The following GALNTL5 variants were observed in gnomAD, a reference collection of about 807,000 sequenced individuals.
GALNTL5 encodes the protein polypeptide N-acetylgalactosaminyltransferase like 5.
GALNTL5 carries 44 observed loss-of-function variants against 51.0 expected under a neutral mutation model. The observed-to-expected ratio is 0.86, with a 90% confidence interval of 0.68 to 1.11. GALNTL5 has a LOEUF of 1.11. GALNTL5 is among the 50% of genes least tolerant of loss of function. The probability of loss-of-function intolerance (pLI) is 0.00; values close to 1 mark genes in which losing one functional copy is unlikely to be tolerated. For missense variants in GALNTL5, 528 were observed against 531.8 expected (o/e 0.99, Z 0.07); for synonymous variants, 192 against 182.8 (o/e 1.05, Z -0.41).
chr7:151,956,863 ATG>A (rs759801469), intron 1 of GALNTL5, among the ~76,000 whole-genome samples: 11 of 152,148 alleles, frequency 7.2e-5, no homozygotes, highest in Non-Finnish European at 1.6e-4. Flanking sequence ...TTTTCATTAC[ATG>A]TGTCTTTATG....
At chr7:152,002,183 G>A (rs1042102177) in intron 5 of GALNTL5, among the ~76,000 whole-genome samples, 1 of 152,104 alleles carries the variant, frequency 6.6e-6, no homozygotes, top group African/African-American at 2.4e-5. Context: ...GGGAGGCTGA[G>A]GCAGGAGAAT....
chr7:152,007,456 C>A (rs113235633), intron 6 of GALNTL5, among the ~76,000 whole-genome samples: 2 of 125,038 alleles, frequency 1.6e-5, no homozygotes, highest in East Asian at 2.4e-4. Context: ...CTGGCTCTGT[C>A]GTCCCAGGCT....
chr7:152,001,315 G>C (rs754333933), intron 5 of GALNTL5, among the ~76,000 whole-genome samples: 3 of 150,110 alleles, frequency 2.0e-5, no homozygotes, highest in African/African-American at 4.9e-5. Flanking sequence ...CTGTATTTTT[G>C]GTGTCATATC....
intron 2 of GALNTL5, among the ~76,000 whole-genome samples, chr7:151,969,219 T>C (rs2151939855): frequency 6.6e-6 from 1 of 152,344 alleles, no homozygotes; most frequent in South Asian, 2.1e-4. Context: ...TTTATGGTTT[T>C]TATGTTTCAT....
intron 4 of GALNTL5, among the ~76,000 whole-genome samples, chr7:151,986,527 C>G (rs7793868): frequency 0.14 from 21,210 of 151,894 alleles, 2,434 homozygotes; most frequent in African/African-American, 0.29. Flanking sequence ...CCCAGCTACT[C>G]AGGACATTGA....
intron 1 of GALNTL5, chr7:151,960,417 C>T (rs1427559688): frequency 6.6e-6 from 1 of 152,246 alleles, no homozygotes; most frequent in Non-Finnish European, 1.5e-5. Context: ...TGGCTTAGCC[C>T]TAAAATCCCC....
At chr7:152,001,072 AT>A (rs57116736) in intron 5 of GALNTL5, among the ~76,000 whole-genome samples, 80 of 144,276 alleles carry the variant, frequency 5.5e-4, no homozygotes, top group Admixed American at 2.3e-3. Flanking sequence ...CACCTGGCTA[AT>A]TTTTTTTTTT....
intron 5 of GALNTL5, among the ~76,000 whole-genome samples, chr7:151,996,549 G>A (rs2081503021): frequency 1.3e-5 from 2 of 152,260 alleles, no homozygotes; most frequent in South Asian, 4.2e-4. Flanking sequence ...AGACCAGCCT[G>A]GGAAACATGA....
rs2081317042 is a variant in GALNTL5 at position 151,983,220 on chromosome 7, C to G, written c.535+68C>G. ...GTTGTTGAGATTTCCCTCTGTCACC[C>G]AGGCTGGAGTGCAGTGGTACCATCT... On this transcript the variant is annotated intron_variant, in intron 4 of 8. Transcript: ENST00000392800. 3.7e-6 allele frequency: 5 copies of G among 1,364,558 alleles called. No individual in the cohort carries two copies. In the Admixed American group the frequency reaches 8.4e-5, roughly 23 times the overall value. 84.5% of individuals were successfully genotyped at this position (1,364,558 alleles called of 1,614,324 possible).
At chr7:152,000,513 C>G (rs1474628770) in intron 5 of GALNTL5, among the ~76,000 whole-genome samples, 1 of 152,158 alleles carries the variant, frequency 6.6e-6, no homozygotes, top group Non-Finnish European at 1.5e-5. Flanking sequence ...TGTACTCCTC[C>G]CCTCCCACCC....
intron 1 of GALNTL5, among the ~76,000 whole-genome samples, chr7:151,961,569 A>C (rs2080992042): frequency 6.6e-6 from 1 of 152,202 alleles, no homozygotes; most frequent in Non-Finnish European, 1.5e-5. Context: ...CAAAAATGGG[A>C]GACAATAGTA....
chr7:151,987,409 C>A, intron 5 of GALNTL5, 128 bp downstream of exon 5: 3 of 779,220 alleles, frequency 3.9e-6, no homozygotes, highest in Non-Finnish European at 5.8e-6. Context: ...AAATCTATTC[C>A]AGCCATATGA....
chr7:152,001,762 C>G (rs1307491094), intron 5 of GALNTL5, among the ~76,000 whole-genome samples: 1 of 152,072 alleles, frequency 6.6e-6, no homozygotes, highest in Non-Finnish European at 1.5e-5. Context: ...TTAAAAAGAG[C>G]CAGCTGGGAT....
At chr7:152,002,577 C>T in intron 5 of GALNTL5, 137 bp from the exon 6 acceptor site, 1 of 816,628 alleles carries the variant, frequency 1.2e-6, no homozygotes, top group Non-Finnish European at 1.9e-6. Flanking sequence ...TTGTTTCCTT[C>T]CAATGAAAAT....
rs145292713 is a variant in GALNTL5, at chr7:152,017,197, T to C, written c.1176+2404T>C. On this transcript the variant is annotated intron_variant, in intron 8 of 8. Transcript: ENST00000392800. ...CCTACACAAACCTAGATGGAGATGG[T>C]ATAGCCCATTGCACACCTTGGCTAT... Among the ~76,000 whole-genome samples, 18 of 152,266 alleles carry C rather than the reference T, an allele frequency of 1.2e-4. No homozygotes were observed. In the East Asian group the frequency reaches 3.1e-3, roughly 26 times the overall value.
In GALNTL5 at chr7:151,963,845, G is replaced by A. The variant is rs144485601; in HGVS notation, c.-39-3363G>A. 1.5e-4 allele frequency among the ~76,000 whole-genome samples: 23 copies of A among 152,278 alleles called. 1 individual carries two copies. In the South Asian group the frequency reaches 4.8e-3, roughly 32 times the overall value. On this transcript the variant is annotated intron_variant, in intron 1 of 8. Coordinates refer to ENST00000392800, the MANE Select transcript of GALNTL5 (RefSeq NM_145292.4). The stretch of plus-strand genomic sequence containing the variant: ...ATCTCTCTGAGCAACCAACATCAAT[G>A]TTTTGATATTTTCAAAGTTCTCATT...
chr7:151,992,133 T>A (rs187573520), intron 5 of GALNTL5, among the ~76,000 whole-genome samples: 200 of 152,316 alleles, frequency 1.3e-3, no homozygotes, highest in African/African-American at 4.5e-3. Flanking sequence ...CTCAGTAAAC[T>A]CTTAGTCGTT....
At chr7:151,967,566 G>GT in intron 2 of GALNTL5, 73 bp downstream of exon 2, 1 of 1,312,692 alleles carries the variant, frequency 7.6e-7, no homozygotes. Flanking sequence ...ATTTGGAAGA[G>GT]TACGAGACTA....
chr7:151,979,008 A>G (rs1198523539), intron 3 of GALNTL5, among the ~76,000 whole-genome samples: 1 of 152,086 alleles, frequency 6.6e-6, no homozygotes, highest in Non-Finnish European at 1.5e-5. Flanking sequence ...TTTGTACTGA[A>G]CTATTATTAA....
Sources: gnomAD v4.1 joint callset for allele counts (sites outside exome capture counted in the v4.1 genomes callset) on GRCh38, gnomAD v4.1.1 for gene constraint, MANE v1.5 for transcripts, NCBI Gene and HGNC (gene_info 2026-07-23, HGNC 2026-07-21) for gene names.